Variants in MEGF10 observed in about 807,000 individuals in gnomAD.
MEGF10 encodes multiple EGF like domains 10.
Under a neutral mutation model 147.5 loss-of-function variants are expected in MEGF10, and 86 were observed. The observed-to-expected ratio is 0.58, with a 90% CI of 0.49 to 0.70. The LOEUF (loss-of-function observed/expected upper bound fraction) is 0.70. Among genes scored for constraint, MEGF10 ranks in the 30% least tolerant of loss-of-function variants. The pLI is 0.00. For missense variants in MEGF10, 1,329 were observed against 1,487.3 expected (o/e 0.89, Z 1.75); for synonymous variants, 478 against 525.5 (o/e 0.91, Z 1.24).
chr5:127,366,368 T>C (rs1762653082), intron 4 of MEGF10, among the ~76,000 whole-genome samples: 1 of 152,194 alleles, frequency 6.6e-6, no homozygotes, highest in Non-Finnish European at 1.5e-5. Flanking sequence ...AGATGGCACT[T>C]GTATAAGCGA....
intron 1 of MEGF10, among the ~76,000 whole-genome samples, chr5:127,307,226 G>GA (rs1324474840): frequency 6.6e-6 from 1 of 152,088 alleles, no homozygotes; most frequent in Admixed American, 6.5e-5. Context: ...TTAGACACCT[G>GA]AAAAAACTCT....
chr5:127,357,070 T>C (rs1651819362), intron 4 of MEGF10, among the ~76,000 whole-genome samples: 1 of 152,218 alleles, frequency 6.6e-6, no homozygotes, highest in Non-Finnish European at 1.5e-5. Context: ...ATAATTTATT[T>C]GAGACTCTTT....
intron 9 of MEGF10, among the ~76,000 whole-genome samples, chr5:127,416,813 C>A (rs1193830666): frequency 6.6e-6 from 1 of 152,170 alleles, no homozygotes; most frequent in Non-Finnish European, 1.5e-5. Context: ...ATTACATCCT[C>A]AGTCTTCATC....
intron 2 of MEGF10, among the ~76,000 whole-genome samples, chr5:127,338,372 G>A (rs1017138567): frequency 6.6e-6 from 1 of 152,102 alleles, no homozygotes; most frequent in African/African-American, 2.4e-5. Context: ...ATTCAACAGT[G>A]AGTATTCTTC....
chr5:127,292,325 CACTT>C (rs1020097962), intron 1 of MEGF10, among the ~76,000 whole-genome samples: 1 of 152,146 alleles, frequency 6.6e-6, no homozygotes, highest in Non-Finnish European at 1.5e-5. Flanking sequence ...ATAATAATAG[CACTT>C]ACATCAGACA....
Position 127,427,055 on chromosome 5 carries a change from C to A in MEGF10, c.1693+4283C>A, listed in dbSNP as rs192016416. ...ACAAATTTGGAAAAGATTTGGAAAT[C>A]CCTCAGGATGTACTCCTTGGCACAT... On this transcript the variant is annotated intron_variant, in intron 13 of 24. Transcript: ENST00000503335. 2.6e-5 allele frequency among the ~76,000 whole-genome samples: 4 copies of A among 152,334 alleles called. No individual in the cohort carries two copies. The East Asian group carries it at 7.7e-4, about 29-fold the overall frequency.
At chr5:127,385,053 T>A (rs940920492) in intron 5 of MEGF10, among the ~76,000 whole-genome samples, 1 of 152,202 alleles carries the variant, frequency 6.6e-6, no homozygotes, top group Non-Finnish European at 1.5e-5. Flanking sequence ...TTTGAGACAG[T>A]GGAAAATTAT....
At chr5:127,352,092 A>G (rs539189587) in intron 4 of MEGF10, among the ~76,000 whole-genome samples, 10 of 150,578 alleles carry the variant, frequency 6.6e-5, no homozygotes, top group African/African-American at 2.5e-4. Context: ...GTAAAAATAT[A>G]TATAAATATA....
intron 23 of MEGF10, 60 bp downstream of exon 23, chr5:127,454,670 G>T: frequency 7.0e-7 from 1 of 1,437,664 alleles, no homozygotes. Context: ...TAACCTCAAA[G>T]ACTGAAATAG....
At chr5:127,370,693 TG>T (rs1762813787) in intron 5 of MEGF10, among the ~76,000 whole-genome samples, 1 of 152,218 alleles carries the variant, frequency 6.6e-6, no homozygotes, top group Non-Finnish European at 1.5e-5. Context: ...GATTATATCA[TG>T]GAATGTCATG....
intron 4 of MEGF10, among the ~76,000 whole-genome samples, chr5:127,359,356 T>C (rs1000663664): frequency 6.8e-6 from 1 of 146,836 alleles, no homozygotes; most frequent in African/African-American, 2.4e-5. Context: ...GGGTTTTTTT[T>C]TGTTGTTTAA....
the MEGF10 span, among the ~76,000 whole-genome samples, chr5:127,256,389 G>T: frequency 3.1e-4 from 47 of 152,264 alleles, no homozygotes; most frequent in African/African-American, 1.1e-3. Flanking sequence ...TACAACAGTC[G>T]TTTTGACCAA....
At chr5:127,363,984 C>T (rs1762568398) in intron 4 of MEGF10, among the ~76,000 whole-genome samples, 1 of 151,958 alleles carries the variant, frequency 6.6e-6, no homozygotes, top group Admixed American at 6.6e-5. Context: ...TTTGGGCACT[C>T]CTCCCTGCAA....
chr5:127,402,827 C>A (rs1456899178), intron 8 of MEGF10, 145 bp downstream of exon 8: 8 of 708,966 alleles, frequency 1.1e-5, no homozygotes, highest in Non-Finnish European at 1.3e-5. Context: ...ATGTGTTTGA[C>A]AGATTCTATC....
At chr5:127,237,477 G>A in the MEGF10 span, among the ~76,000 whole-genome samples, 1 of 152,138 alleles carries the variant, frequency 6.6e-6, no homozygotes, top group Non-Finnish European at 1.5e-5. Context: ...GGGCAACAGA[G>A]CTAGACTCTG....
the MEGF10 span, among the ~76,000 whole-genome samples, chr5:127,276,827 G>C: frequency 6.6e-6 from 1 of 152,088 alleles, no homozygotes; most frequent in Non-Finnish European, 1.5e-5. Context: ...GTGAAAAGTG[G>C]TATTAAAAAA....
intron 5 of MEGF10, among the ~76,000 whole-genome samples, chr5:127,373,839 C>A (rs1246003778): frequency 1.3e-5 from 2 of 152,114 alleles, no homozygotes; most frequent in African/African-American, 4.8e-5. Context: ...AAAAGGAAAC[C>A]CCACTAAGGG....
upstream of MEGF10, among the ~76,000 whole-genome samples, chr5:127,286,546 A>T (rs1457909649): frequency 6.6e-6 from 1 of 152,020 alleles, no homozygotes; most frequent in Non-Finnish European, 1.5e-5. Flanking sequence ...CTATATAAAC[A>T]GGTTATCAAA....
the MEGF10 span, among the ~76,000 whole-genome samples, chr5:127,261,729 G>A: frequency 2.9e-4 from 44 of 152,018 alleles, no homozygotes; most frequent in South Asian, 2.3e-3. Flanking sequence ...AATATATGAA[G>A]GTTCCAATTT....
Sources: gnomAD v4.1 joint callset for allele counts (sites outside exome capture counted in the v4.1 genomes callset) on GRCh38, gnomAD v4.1.1 for gene constraint, MANE v1.5 for transcripts, NCBI Gene and HGNC (gene_info 2026-07-23, HGNC 2026-07-21) for gene names.